The following GALNT13 variants were observed in gnomAD, a reference collection of about 807,000 sequenced individuals.
GALNT13 encodes the protein polypeptide N-acetylgalactosaminyltransferase 13, also known as UDP-GalNAc:polypeptide N-acetylgalactosaminyltransferase 13.
In GALNT13, 28 loss-of-function variants were observed where a neutral mutation model predicts 64.2. The observed-to-expected ratio is 0.44, with a 90% CI of 0.32 to 0.60. The LOEUF is 0.60. Ranked by LOEUF, GALNT13 falls within the 20% of genes least tolerant of loss-of-function variation. The pLI is 0.05. For missense variants in GALNT13, 577 were observed against 669.8 expected, an observed-to-expected ratio of 0.86 and a Z score of 1.53; for synonymous variants, 214 against 224.6, an observed-to-expected ratio of 0.95 and a Z score of 0.42.
the GALNT13 span, among the ~76,000 whole-genome samples, chr2:153,256,928 A>G: frequency 1.3e-5 from 2 of 152,212 alleles, no homozygotes; most frequent in Non-Finnish European, 2.9e-5. Context: ...CTGCCCGCAG[A>G]GGTGGAGCCT....
chr2:154,153,552 G>A (rs1573762576), intron 4 of GALNT13, among the ~76,000 whole-genome samples: 2 of 152,330 alleles, frequency 1.3e-5, no homozygotes, highest in East Asian at 3.9e-4. Context: ...TACAGAGGCA[G>A]GCAGGCCTCC....
the GALNT13 span, among the ~76,000 whole-genome samples, chr2:153,647,077 C>T: frequency 6.6e-6 from 1 of 152,162 alleles, no homozygotes. Flanking sequence ...TACAGTCCCA[C>T]CAACAGTGTA....
chr2:153,436,326 G>A, the GALNT13 span, among the ~76,000 whole-genome samples: 9 of 152,268 alleles, frequency 5.9e-5, no homozygotes, highest in African/African-American at 1.9e-4. Context: ...TTGGTATCAG[G>A]ATGATGCTGG....
the GALNT13 span, among the ~76,000 whole-genome samples, chr2:153,272,304 C>A: frequency 1.3e-5 from 2 of 151,722 alleles, no homozygotes; most frequent in South Asian, 2.1e-4. Flanking sequence ...GCAAAAGAAA[C>A]AATCATCAGA....
intron 3 of GALNT13, among the ~76,000 whole-genome samples, chr2:154,121,776 T>A (rs186026767): frequency 6.6e-6 from 1 of 152,174 alleles, no homozygotes; most frequent in East Asian, 1.9e-4. Context: ...ATTTTCTTCA[T>A]AGACAATATG....
intron 4 of GALNT13, among the ~76,000 whole-genome samples, chr2:154,240,136 C>T (rs942237458): frequency 5.9e-5 from 9 of 152,084 alleles, no homozygotes; most frequent in African/African-American, 2.2e-4. Flanking sequence ...TCTGTAATCA[C>T]GTTGACTTAA....
chr2:154,043,068 A>T (rs1434899938), intron 3 of GALNT13, among the ~76,000 whole-genome samples: 1 of 152,200 alleles, frequency 6.6e-6, no homozygotes, highest in Non-Finnish European at 1.5e-5. Context: ...CTAACCAAGT[A>T]AAAGCAATGA....
intron 9 of GALNT13, among the ~76,000 whole-genome samples, chr2:154,367,050 TTTAG>T (rs1238126285): frequency 3.3e-5 from 5 of 152,164 alleles, no homozygotes; most frequent in Non-Finnish European, 7.4e-5. Context: ...TGTTCATTAT[TTTAG>T]TTAAATAAAC....
chr2:154,019,601 TCCACACAC>T (rs1697278514), intron 3 of GALNT13, among the ~76,000 whole-genome samples: 1 of 79,522 alleles, frequency 1.3e-5, no homozygotes, highest in Non-Finnish European at 2.3e-5. Context: ...AGAGTAAGAC[TCCACACAC>T]ACACACACAC....
the GALNT13 span, among the ~76,000 whole-genome samples, chr2:153,726,207 G>T: frequency 6.6e-6 from 1 of 152,028 alleles, no homozygotes; most frequent in African/African-American, 2.4e-5. Flanking sequence ...CTATATAAAT[G>T]AACTTTACAT....
chr2:153,581,620 T>G, the GALNT13 span, among the ~76,000 whole-genome samples: 2 of 152,128 alleles, frequency 1.3e-5, no homozygotes, highest in African/African-American at 4.8e-5. Context: ...CCTATTGTTA[T>G]AAGGAAGTGT....
chr2:154,121,995 A>G (rs993915611), intron 3 of GALNT13, among the ~76,000 whole-genome samples: 1 of 151,988 alleles, frequency 6.6e-6, no homozygotes, highest in African/African-American at 2.4e-5. Context: ...AAACATTTTT[A>G]TTCAAGTCGA....
chr2:154,110,604 T>G (rs2105488973), intron 3 of GALNT13, among the ~76,000 whole-genome samples: 1 of 151,802 alleles, frequency 6.6e-6, no homozygotes, highest in Admixed American at 6.6e-5. Context: ...CTTTTGACAT[T>G]TTTCTGCTGA....
the GALNT13 span, among the ~76,000 whole-genome samples, chr2:153,716,352 ATTCT>A: frequency 6.6e-6 from 1 of 152,088 alleles, no homozygotes; most frequent in African/African-American, 2.4e-5. Flanking sequence ...TTTTGGTGTG[ATTCT>A]TTTTGTTTTG....
At chr2:153,492,381 A>C in the GALNT13 span, among the ~76,000 whole-genome samples, 13 of 152,346 alleles carry the variant, frequency 8.5e-5, no homozygotes, top group Middle Eastern at 3.4e-3. Context: ...CACCTGATTA[A>C]CTAAAAGGTA....
the GALNT13 span, among the ~76,000 whole-genome samples, chr2:153,816,846 C>A: frequency 6.6e-6 from 1 of 152,060 alleles, no homozygotes; most frequent in Non-Finnish European, 1.5e-5. Context: ...CATCTCAGGC[C>A]AGCACCAATA....
At chr2:154,121,662 A>G (rs955617945) in intron 3 of GALNT13, among the ~76,000 whole-genome samples, 2 of 152,024 alleles carry the variant, frequency 1.3e-5, no homozygotes, top group South Asian at 4.2e-4. Flanking sequence ...TGACTTTGCT[A>G]TAGTCACAAT....
chr2:154,394,077 C>CAAAA (rs369267777), intron 9 of GALNT13, among the ~76,000 whole-genome samples: 1,400 of 31,964 alleles, frequency 0.044, 379 homozygotes, highest in Non-Finnish European at 0.048. Flanking sequence ...GACTCCGTCT[C>CAAAA]AAAAAAAAAA....
chr2:154,039,474 C>G (rs1698858017), intron 3 of GALNT13, among the ~76,000 whole-genome samples: 1 of 139,966 alleles, frequency 7.1e-6, no homozygotes, highest in Non-Finnish European at 1.6e-5. Context: ...ATGAGTGAAC[C>G]TGGAAGACCT....
Sources: gnomAD v4.1 joint callset for allele counts (sites outside exome capture counted in the v4.1 genomes callset) on GRCh38, gnomAD v4.1.1 for gene constraint, MANE v1.5 for transcripts, NCBI Gene and HGNC (gene_info 2026-07-23, HGNC 2026-07-21) for gene names.